GARRE1: variants seen among roughly 807,000 people sequenced by gnomAD.
GARRE1 encodes granule associated Rac and RHOG effector protein 1.
Under a neutral mutation model 103.2 loss-of-function variants are expected in GARRE1, and 49 were observed. The ratio of observed to expected loss-of-function variants is 0.47; its 90% confidence interval spans 0.38 to 0.60. The LOEUF (loss-of-function observed/expected upper bound fraction) is 0.60. Ranked by LOEUF, GARRE1 falls within the 20% of genes least tolerant of loss-of-function variation. GARRE1 has a pLI of 0.00. For synonymous variants in GARRE1, 505 were observed against 532.8 expected (o/e 0.95, Z 0.72); for missense variants, 1,199 against 1,370.5 (o/e 0.87, Z 1.98).
At chr19:34,317,867 G>A (rs1255887484) in intron 2 of GARRE1, among the ~76,000 whole-genome samples, 1 of 152,146 alleles carries the variant, frequency 6.6e-6, no homozygotes, top group Non-Finnish European at 1.5e-5. Context: ...TGCTCTACAG[G>A]ACTAAATAGC....
At chr19:34,296,162 TTC>T in intron 1 of GARRE1, 1 of 379,876 alleles carries the variant, frequency 2.6e-6, no homozygotes. Flanking sequence ...CTTTTTTTTT[TTC>T]TTGCGTCAGT....
intron 2 of GARRE1, among the ~76,000 whole-genome samples, chr19:34,311,770 C>T (rs1307997121): frequency 2.0e-5 from 3 of 152,014 alleles, no homozygotes; most frequent in African/African-American, 7.3e-5. Flanking sequence ...GCCACCACAC[C>T]CAGCTAATTT....
chr19:34,331,115 G>A (rs2074135995), intron 7 of GARRE1, among the ~76,000 whole-genome samples: 1 of 151,692 alleles, frequency 6.6e-6, no homozygotes, highest in South Asian at 2.1e-4. Context: ...TGGCCAGGCT[G>A]GTCTCGAACT....
chr19:34,332,105 A>G (rs888699266), intron 7 of GARRE1, among the ~76,000 whole-genome samples: 12 of 152,166 alleles, frequency 7.9e-5, no homozygotes, highest in African/African-American at 2.9e-4. Context: ...ATTCACAAAA[A>G]GAGCTATTGA....
intron 8 of GARRE1, among the ~76,000 whole-genome samples, chr19:34,338,356 C>T (rs328402): frequency 0.78 from 117,863 of 152,068 alleles, 46,261 homozygotes; most frequent in African/African-American, 0.82. Context: ...GGCAACATAG[C>T]GAGACCCCAT....
chr19:34,332,163 A>G (rs10412286), intron 7 of GARRE1, among the ~76,000 whole-genome samples: 4,681 of 151,804 alleles, frequency 0.031, 239 homozygotes, highest in African/African-American at 0.11. Context: ...CAGGTGGCCC[A>G]GCTCACAGTG....
chr19:34,323,829 C>T (rs955166498), intron 3 of GARRE1, among the ~76,000 whole-genome samples: 3 of 152,152 alleles, frequency 2.0e-5, no homozygotes, highest in African/African-American at 2.4e-5. Context: ...GACGTCTTCA[C>T]CTTGACCTTT....
intron 8 of GARRE1, among the ~76,000 whole-genome samples, chr19:34,337,546 A>C (rs2074166921): frequency 6.6e-6 from 1 of 152,216 alleles, no homozygotes; most frequent in South Asian, 2.1e-4. Flanking sequence ...GGAGTGACCC[A>C]GCATGGAAGG....
At chr19:34,311,783 G>A (rs959044456) in intron 2 of GARRE1, among the ~76,000 whole-genome samples, 3 of 151,566 alleles carry the variant, frequency 2.0e-5, no homozygotes, top group Non-Finnish European at 1.5e-5. Flanking sequence ...GCTAATTTTT[G>A]CATTTTTAGT....
intron 2 of GARRE1, among the ~76,000 whole-genome samples, chr19:34,312,768 A>C (rs1374125024): frequency 6.6e-6 from 1 of 152,054 alleles, no homozygotes; most frequent in Non-Finnish European, 1.5e-5. Flanking sequence ...CTGTAGTAAA[A>C]ATACAAAAAT....
chr19:34,300,822 C>T lies in GARRE1; in HGVS notation c.349C>T (p.Leu117Phe). 1.9e-6 allele frequency: 3 copies of T among 1,614,236 alleles called. No individual in the cohort carries two copies. Among genetic ancestry groups the T allele is most frequent in the Non-Finnish European group, 2.5e-6 (3 of 1,180,048 alleles). ...NSHYSKAATQ[L>F]KDVQEHVMEA... ...TCACTACTCAAAGGCAGCCACACAG[C>T]TCAAAGATGTGCAGGAGCATGTCAT... The change falls in exon 2 of 14, where the codon CTC becomes TTC. Residue 117 changes from leucine to phenylalanine, a missense_variant. By Grantham distance (22) the Leu-to-Phe change is conservative. Transcript: ENST00000299505.
At chr19:34,273,239 G>A (rs976358304) in intron 1 of GARRE1, among the ~76,000 whole-genome samples, 2 of 152,138 alleles carry the variant, frequency 1.3e-5, no homozygotes, top group African/African-American at 2.4e-5. Flanking sequence ...CATGTGAAGT[G>A]CATAGCACAG....
chr19:34,333,003 G>A (rs904227640), intron 7 of GARRE1, among the ~76,000 whole-genome samples: 3 of 152,050 alleles, frequency 2.0e-5, no homozygotes, highest in South Asian at 4.1e-4. Flanking sequence ...ACTTCTGGGC[G>A]TGTCATGACA....
At chr19:34,351,702 A>G in intron 13 of GARRE1, 110 bp downstream of exon 13, 4 of 772,180 alleles carry the variant, frequency 5.2e-6, no homozygotes, top group Non-Finnish European at 8.8e-6. Context: ...AATTTTGTGT[A>G]AATGATTAGC....
intron 1 of GARRE1, among the ~76,000 whole-genome samples, chr19:34,271,835 A>G (rs1326911429): frequency 6.6e-6 from 1 of 150,526 alleles, no homozygotes; most frequent in Non-Finnish European, 1.5e-5. Flanking sequence ...TCTCAAAAAC[A>G]AAAACAAAAA....
chr19:34,351,785 T>A (rs1314249467), intron 13 of GARRE1, among the ~76,000 whole-genome samples, 193 bp downstream of exon 13: 1 of 152,252 alleles, frequency 6.6e-6, no homozygotes, highest in Admixed American at 6.5e-5. Flanking sequence ...TCACCACATG[T>A]GGCTATGTAA....
intron 9 of GARRE1, 126 bp downstream of exon 9, chr19:34,340,118 C>T: frequency 1.1e-6 from 1 of 951,096 alleles, no homozygotes; most frequent in Non-Finnish European, 1.6e-6. Context: ...TTTTTAGTAA[C>T]TTTTATTTTC....
chr19:34,303,661 G>GCT (rs2145244722), intron 2 of GARRE1, among the ~76,000 whole-genome samples: 1 of 152,304 alleles, frequency 6.6e-6, no homozygotes, highest in Non-Finnish European at 1.5e-5. Flanking sequence ...TGTAGCCCAG[G>GCT]CTGGAGTGCA....
chr19:34,292,410 A>G (rs1266856621), intron 1 of GARRE1, among the ~76,000 whole-genome samples: 1 of 152,204 alleles, frequency 6.6e-6, no homozygotes, highest in East Asian at 1.9e-4. Flanking sequence ...ACTTTTGACT[A>G]TTATGAATAA....
Sources: allele counts gnomAD v4.1 joint callset (sites outside exome capture counted in the v4.1 genomes callset), GRCh38; gene constraint gnomAD v4.1.1; transcripts MANE v1.5; gene names NCBI Gene and HGNC (gene_info 2026-07-23, HGNC 2026-07-21).